Variants in PRR5L observed in about 807,000 individuals in gnomAD.
PRR5L encodes the protein proline rich 5 like.
A neutral mutation model predicts 36.4 loss-of-function variants in PRR5L; 21 were observed. That is an observed-to-expected ratio of 0.58 (90% CI 0.41 to 0.83). The LOEUF is 0.83. Ranked by LOEUF, PRR5L falls within the 40% of genes least tolerant of loss-of-function variation. The probability of loss-of-function intolerance (pLI) is 0.00; values close to 1 mark genes in which losing one functional copy is unlikely to be tolerated. For missense variants in PRR5L, 381 were observed against 473.3 expected (o/e 0.80, Z 1.81); for synonymous variants, 188 against 197.0 (o/e 0.95, Z 0.38).
intron 4 of PRR5L, among the ~76,000 whole-genome samples, chr11:36,423,191 C>T (rs931158864): frequency 2.0e-5 from 3 of 152,032 alleles, no homozygotes; most frequent in Admixed American, 6.5e-5. Flanking sequence ...TAGCTACTAC[C>T]GTTGTCAATA....
intron 1 of PRR5L, among the ~76,000 whole-genome samples, chr11:36,350,908 A>ATATATATATATTTATATATT (rs1856924278): frequency 9.1e-6 from 1 of 110,118 alleles, no homozygotes; most frequent in Non-Finnish European, 1.7e-5. Context: ...CATGGTAAAT[A>ATATATATATATTTATATATT]TATATATATA....
At chr11:36,459,768 G>A (rs1171875860) in intron 8 of PRR5L, among the ~76,000 whole-genome samples, 1 of 152,162 alleles carries the variant, frequency 6.6e-6, no homozygotes, top group Non-Finnish European at 1.5e-5. Context: ...CTCTGAAAGT[G>A]GTGCTGTTAG....
chr11:36,417,118 C>A (rs142506114), intron 3 of PRR5L, among the ~76,000 whole-genome samples: 4 of 152,150 alleles, frequency 2.6e-5, no homozygotes, highest in Non-Finnish European at 5.9e-5. Context: ...AATTCCACAG[C>A]GTATTATTTG....
intron 1 of PRR5L, chr11:36,376,418 G>C: frequency 8.7e-7 from 1 of 1,149,498 alleles, no homozygotes; most frequent in East Asian, 6.8e-5. Context: ...TCACCAGCCC[G>C]GCTGTGGGAG....
At chr11:36,353,689 C>A (rs1466590688) in intron 1 of PRR5L, among the ~76,000 whole-genome samples, 1 of 152,150 alleles carries the variant, frequency 6.6e-6, no homozygotes, top group Non-Finnish European at 1.5e-5. Flanking sequence ...AACCTATATC[C>A]CTCACATGTG....
chr11:36,314,439 G>T (rs763377233), intron 1 of PRR5L, among the ~76,000 whole-genome samples: 1 of 152,122 alleles, frequency 6.6e-6, no homozygotes, highest in Admixed American at 6.5e-5. Context: ...GTGAGGGGAC[G>T]TATATTGCAC....
At chr11:36,447,343 G>A (rs1018613455) in intron 7 of PRR5L, among the ~76,000 whole-genome samples, 3 of 152,208 alleles carry the variant, frequency 2.0e-5, no homozygotes, top group Non-Finnish European at 4.4e-5. Flanking sequence ...CCTCCCCAGA[G>A]GAAATAATTT....
rs1859200551 is a variant in PRR5L at position 36,462,212 on chromosome 11, T to C, written c.713-130T>C. 3 of 823,792 alleles carry C rather than the reference T, an allele frequency of 3.6e-6. No homozygotes were observed. The East Asian group carries it at 8.6e-5, about 24-fold the overall frequency. The allele number at this position is 823,792 out of a possible 1,614,324, so 51.0% of individuals were successfully genotyped here. ...ATCACCAGATTCCTCCCTTGCATTG[T>C]GGCAGGGCTGCACCTAAGAGCTGCT... On this transcript the variant is annotated intron_variant, in intron 8 of 8. Transcript: ENST00000530639.
At chr11:36,451,450 C>T (rs1391316767) in intron 8 of PRR5L, 115 bp downstream of exon 8, 1 of 1,275,856 alleles carries the variant, frequency 7.8e-7, no homozygotes, top group East Asian at 2.4e-5. Flanking sequence ...CTGAGCACAG[C>T]CTTTTGCTTC....
intron 3 of PRR5L, among the ~76,000 whole-genome samples, chr11:36,410,309 G>C (rs1191467591): frequency 6.6e-6 from 1 of 152,168 alleles, no homozygotes; most frequent in Non-Finnish European, 1.5e-5. Flanking sequence ...TCACGGTCTG[G>C]TGTGGAGCCT....
chr11:36,310,925 A>G (rs1376015480), intron 1 of PRR5L, among the ~76,000 whole-genome samples: 1 of 142,738 alleles, frequency 7.0e-6, no homozygotes. Context: ...TGAACCAGGG[A>G]GTCAGAGGTT....
chr11:36,341,353 G>C (rs1856815264), intron 1 of PRR5L, among the ~76,000 whole-genome samples: 1 of 152,148 alleles, frequency 6.6e-6, no homozygotes, highest in Non-Finnish European at 1.5e-5. Flanking sequence ...GGTTCAAGGG[G>C]GTGACGGCTG....
chr11:36,401,046 C>CT lies in PRR5L; in HGVS notation c.-76_-75insT. The CT allele has an allele frequency of 1.9e-6, 3 of 1,563,890 alleles. No homozygotes were observed. The highest frequency in any genetic ancestry group is 2.3e-5 in the East Asian group (1 of 43,954). ...AGAAAGCCTGAGGGCCTGAAGGCAG[C>CT]CCCTGGAGAAGCCCTTTCCGAGGGC... is the stretch of plus-strand genomic sequence containing the variant. On this transcript the variant is annotated 5_prime_UTR_variant, in exon 2 of 9. Transcript: ENST00000530639.
intron 3 of PRR5L, among the ~76,000 whole-genome samples, chr11:36,408,367 T>A (rs11033598): frequency 0.026 from 3,951 of 152,200 alleles, 159 homozygotes; most frequent in African/African-American, 0.089. Flanking sequence ...ACATGGTCTA[T>A]TGATATGAAA....
chr11:36,452,263 G>A (rs1367170340), intron 8 of PRR5L, among the ~76,000 whole-genome samples: 1 of 152,200 alleles, frequency 6.6e-6, no homozygotes, highest in Non-Finnish European at 1.5e-5. Context: ...TGCAGAGGCA[G>A]AAATGGATTA....
intron 1 of PRR5L, among the ~76,000 whole-genome samples, chr11:36,373,265 A>G (rs1475459674): frequency 6.6e-6 from 1 of 152,226 alleles, no homozygotes. Context: ...ATGTTTAACT[A>G]GAATGACCAA....
intron 4 of PRR5L, among the ~76,000 whole-genome samples, chr11:36,421,893 C>T (rs1858272879): frequency 6.6e-6 from 1 of 152,130 alleles, no homozygotes; most frequent in Non-Finnish European, 1.5e-5. Flanking sequence ...AGGAGCAGTC[C>T]TCGAACTTAG....
intron 1 of PRR5L, among the ~76,000 whole-genome samples, chr11:36,373,075 A>G (rs1344023021): frequency 6.6e-6 from 1 of 152,056 alleles, no homozygotes; most frequent in Non-Finnish European, 1.5e-5. Context: ...CACAGCACAA[A>G]TCTATGGATT....
chr11:36,348,137 G>A (rs1356273095), intron 1 of PRR5L, among the ~76,000 whole-genome samples: 1 of 152,122 alleles, frequency 6.6e-6, no homozygotes. Flanking sequence ...AGCTGCGGGA[G>A]TAGTCTTCTA....
Sources: gnomAD v4.1 joint callset for allele counts (sites outside exome capture counted in the v4.1 genomes callset) on GRCh38, gnomAD v4.1.1 for gene constraint, MANE v1.5 for transcripts, NCBI Gene and HGNC (gene_info 2026-07-23, HGNC 2026-07-21) for gene names.